Variants in CCDC30 observed in about 807,000 individuals in gnomAD.
CCDC30 encodes the protein coiled-coil domain-containing protein 30.
In CCDC30, 70 loss-of-function variants were observed where a neutral mutation model predicts 100.2. That is an observed-to-expected ratio of 0.70 (90% confidence interval 0.58 to 0.85). The LOEUF (loss-of-function observed/expected upper bound fraction) is 0.85. Among genes scored for constraint, CCDC30 ranks in the 40% least tolerant of loss-of-function variants. The pLI is 0.00. For synonymous variants in CCDC30, 233 were observed against 269.5 expected, an observed-to-expected ratio of 0.86 and a Z score of 1.33; for missense variants, 652 against 771.2, an observed-to-expected ratio of 0.85 and a Z score of 1.83.
intron 3 of CCDC30, chr1:42,489,825 TA>T (rs1644109651): frequency 1.2e-5 from 2 of 162,218 alleles, no homozygotes; most frequent in East Asian, 3.4e-4. Context: ...AATTTCTTTT[TA>T]CTAAACTGGT....
chr1:42,595,773 C>T (rs1487271003), intron 10 of CCDC30, among the ~76,000 whole-genome samples: 1 of 152,096 alleles, frequency 6.6e-6, no homozygotes, highest in African/African-American at 2.4e-5. Context: ...AGTGGATTAG[C>T]CTTAGTGACT....
At chr1:42,591,481 G>T (rs1646185756) in intron 10 of CCDC30, 1 of 152,316 alleles carries the variant, frequency 6.6e-6, no homozygotes, top group Non-Finnish European at 1.5e-5. Context: ...TGGCTTCCAT[G>T]TGGTACTAAA....
chr1:42,468,432 GT>G (rs113345783), intron 1 of CCDC30, among the ~76,000 whole-genome samples: 3,163 of 152,300 alleles, frequency 0.021, 121 homozygotes, highest in African/African-American at 0.072. Flanking sequence ...CTTAAGGACA[GT>G]TTCTGGAAGC....
chr1:42,512,728 G>T (rs1371445880), intron 6 of CCDC30, among the ~76,000 whole-genome samples: 1 of 152,174 alleles, frequency 6.6e-6, no homozygotes, highest in Admixed American at 6.5e-5. Context: ...ATAGCAGGTT[G>T]TTGCCCTGAC....
At chr1:42,618,229 CTTTTTT>C (rs563022326) in intron 11 of CCDC30, among the ~76,000 whole-genome samples, 2 of 90,462 alleles carry the variant, frequency 2.2e-5, no homozygotes, top group South Asian at 4.7e-4. Context: ...CCAGTGATAT[CTTTTTT>C]TTTTTTTTTT....
rs759963576 is a variant in CCDC30 at position 42,642,429 on chromosome 1, T to C, written c.1420-44T>C. The C allele has an allele frequency of 2.1e-6, 3 of 1,410,704 alleles. No homozygotes were observed. In the Admixed American group the frequency reaches 7.9e-5, roughly 37 times the overall value. The allele number at this position is 1,410,704 out of a possible 1,614,324, so 87.4% of individuals were successfully genotyped here. A position where few individuals can be genotyped will look rare whatever the true frequency, so the allele number is the denominator to read the frequency against. ...CAGGCTTATGCTCTTAAATTTATCATACTTTCTCCTGCTGTGGTAATTAGG... is the reference window on the plus strand; with the variant it reads ...CAGGCTTATGCTCTTAAATTTATCACACTTTCTCCTGCTGTGGTAATTAGG... On this transcript the variant is annotated intron_variant, in intron 12 of 16. Coordinates refer to ENST00000668663, the Ensembl canonical transcript of CCDC30.
At chr1:42,643,259 G>T (rs1056392044) in intron 13 of CCDC30, among the ~76,000 whole-genome samples, 2 of 152,262 alleles carry the variant, frequency 1.3e-5, no homozygotes, top group East Asian at 1.9e-4. Context: ...TTATTTTACA[G>T]ATAGGAAGCC....
intron 9 of CCDC30, among the ~76,000 whole-genome samples, chr1:42,587,710 T>C (rs1382611852): frequency 6.6e-6 from 1 of 152,232 alleles, no homozygotes; most frequent in Non-Finnish European, 1.5e-5. Context: ...GTCAGGATTT[T>C]ACTGCCCTAG....
intron 1 of CCDC30, among the ~76,000 whole-genome samples, chr1:42,469,441 CA>C (rs1643694592): frequency 6.6e-6 from 1 of 152,108 alleles, no homozygotes; most frequent in Admixed American, 6.5e-5. Flanking sequence ...ACAGAAGCCA[CA>C]GTATAGGAGT....
intron 6 of CCDC30, among the ~76,000 whole-genome samples, chr1:42,544,570 G>A (rs538637736): frequency 5.9e-5 from 9 of 151,980 alleles, no homozygotes; most frequent in African/African-American, 1.5e-4. Context: ...GCTGGAGTGC[G>A]GTGGCCTGAT....
intron 1 of CCDC30, among the ~76,000 whole-genome samples, chr1:42,475,101 T>TTTAATTGGG (rs1304066785): frequency 3.9e-5 from 6 of 152,126 alleles, no homozygotes; most frequent in Non-Finnish European, 8.8e-5. Flanking sequence ...AAAAAAATAT[T>TTTAATTGGG]AGAGATTGGG....
intron 6 of CCDC30, among the ~76,000 whole-genome samples, chr1:42,545,186 A>AAAAAAAAAAAAAT (rs760685126): frequency 1.1e-4 from 14 of 126,042 alleles, no homozygotes; most frequent in Non-Finnish European, 1.9e-4. Flanking sequence ...AAAAAAAAAA[A>AAAAAAAAAAAAAT]AAGGGAATTT....
At chr1:42,616,952 G>A (rs535498757) in intron 11 of CCDC30, among the ~76,000 whole-genome samples, 33 of 152,258 alleles carry the variant, frequency 2.2e-4, no homozygotes, top group African/African-American at 7.9e-4. Flanking sequence ...GATGATGGCT[G>A]TGAATATTAG....
rs549715977 is a variant in CCDC30 at position 42,625,056 on chromosome 1, CCTTATTTG to C, written c.1278-12180_1278-12173del. Among the ~76,000 whole-genome samples the C allele has an allele frequency of 6.6e-5, 10 of 151,912 alleles. No individual in the cohort carries two copies. In the South Asian group the frequency reaches 2.1e-3, roughly 32 times the overall value. On this transcript the variant is annotated intron_variant, in intron 11 of 16. Transcript: ENST00000668663. The stretch of plus-strand genomic sequence containing the variant: ...GGACTTTTTTTTATGGCTTTGATTT[CCTTATTTG>C]TTATTGGTCTGTTCAGGTTTTAGAT...
At chr1:42,516,571 C>CAA (rs61638436) in intron 6 of CCDC30, among the ~76,000 whole-genome samples, 17,790 of 101,744 alleles carry the variant, frequency 0.17, 1,661 homozygotes, top group African/African-American at 0.21. Context: ...GACTCCATCT[C>CAA]AAAAAAAAAA....
chr1:42,618,563 G>A (rs776815715), intron 11 of CCDC30, among the ~76,000 whole-genome samples: 10 of 152,124 alleles, frequency 6.6e-5, no homozygotes, highest in Admixed American at 1.3e-4. Context: ...TTTACCAAAC[G>A]TTCCTAGCAG....
chr1:42,649,373 C>T (rs897910159), intron 15 of CCDC30, among the ~76,000 whole-genome samples: 2 of 152,144 alleles, frequency 1.3e-5, no homozygotes, highest in African/African-American at 4.8e-5. Context: ...TTATTACATA[C>T]AGAAAAAGCA....
intron 9 of CCDC30, among the ~76,000 whole-genome samples, chr1:42,587,476 A>T (rs1297772677): frequency 1.3e-5 from 2 of 152,214 alleles, no homozygotes; most frequent in Non-Finnish European, 2.9e-5. Context: ...AGTGAATTAG[A>T]TGAAGGAGAG....
intron 11 of CCDC30, among the ~76,000 whole-genome samples, chr1:42,633,787 G>A (rs188731026): frequency 1.2e-4 from 18 of 152,248 alleles, no homozygotes; most frequent in African/African-American, 4.1e-4. Context: ...AGTTGTATTA[G>A]TCACTTCTCA....
Sources: allele counts gnomAD v4.1 joint callset (sites outside exome capture counted in the v4.1 genomes callset), GRCh38; gene constraint gnomAD v4.1.1; transcripts MANE v1.5; gene names NCBI Gene and HGNC (gene_info 2026-07-23, HGNC 2026-07-21).